The following ATP5MC2 variants were observed in gnomAD, a reference collection of about 807,000 sequenced individuals.
The protein encoded by ATP5MC2 is ATP synthase membrane subunit c locus 2.
Under a neutral mutation model 13.5 loss-of-function variants are expected in ATP5MC2, and 11 were observed. That is an observed-to-expected ratio of 0.81 (90% CI 0.51 to 1.35). The LOEUF (loss-of-function observed/expected upper bound fraction) is 1.35, where lower values mean the gene tolerates loss of function less well. ATP5MC2 is among the 40% of genes most tolerant of loss of function. The pLI, the probability that ATP5MC2 is intolerant of heterozygous loss-of-function variation, is 0.00. For synonymous variants in ATP5MC2, 64 were observed against 69.7 expected, an observed-to-expected ratio of 0.92 and a Z score of 0.41; for missense variants, 132 against 175.0, an observed-to-expected ratio of 0.75 and a Z score of 1.39.
chr12:53,666,883 T>C (rs913986374), intron 4 of ATP5MC2, among the ~76,000 whole-genome samples: 35 of 150,434 alleles, frequency 2.3e-4, no homozygotes, highest in Admixed American at 4.7e-4. Flanking sequence ...GAGGCAGAGA[T>C]TGCAGTGGGC....
chr12:53,676,937 C>CT (rs922761706), upstream of ATP5MC2: 1 of 152,576 alleles, frequency 6.6e-6, no homozygotes, highest in Non-Finnish European at 1.5e-5. Flanking sequence ...CTCATCTTTC[C>CT]TAGGCCTCCT....
At chr12:53,676,219 C>T, upstream of ATP5MC2, 12 of 1,601,090 alleles carry the variant, frequency 7.5e-6, no homozygotes, top group Non-Finnish European at 1.0e-5. Context: ...AGGGCTGTGG[C>T]GGTATCCGGC....
upstream of ATP5MC2, chr12:53,676,108 A>C (rs767364424): frequency 2.5e-6 from 4 of 1,614,158 alleles, no homozygotes; most frequent in Admixed American, 5.0e-5. Flanking sequence ...GAGCGAAAGG[A>C]AGGCTCAGCG....
upstream of ATP5MC2, chr12:53,676,456 T>C (rs977333971): frequency 9.2e-6 from 4 of 432,840 alleles, no homozygotes; most frequent in African/African-American, 8.0e-5. Flanking sequence ...GGGATTGGGG[T>C]TCAGTGCCTA....
At position 53,665,266 on chromosome 12, in the gene ATP5MC2, C is replaced by T. The variant is rs777540521; in HGVS notation, c.*48G>A. ...GGGGAGGTATAGGAAAAGGAACACA[C>T]GGGGCCAACCAGACGCGGGAGAACT... On this transcript the variant is annotated 3_prime_UTR_variant, in exon 5 of 5. Coordinates refer to ENST00000394349, the MANE Select transcript of ATP5MC2 (RefSeq NM_005176.7). 1.8e-5 allele frequency: 27 copies of T among 1,505,792 alleles called. No homozygotes were observed. Among genetic ancestry groups the T allele is most frequent in the South Asian group, 4.7e-5 (4 of 84,892 alleles). The allele number at this position is 1,505,792 out of a possible 1,614,324, so 93.3% of individuals were successfully genotyped here. A position where few individuals can be genotyped will look rare whatever the true frequency, so the allele number is the denominator to read the frequency against.
chr12:53,676,167 G>A, upstream of ATP5MC2: 1 of 1,614,258 alleles, frequency 6.2e-7, no homozygotes, highest in Non-Finnish European at 8.5e-7. Flanking sequence ...TAGAGTGATT[G>A]CAACATACAG....
upstream of ATP5MC2, among the ~76,000 whole-genome samples, chr12:53,678,034 A>C (rs1463784704): frequency 1.3e-5 from 2 of 152,226 alleles, no homozygotes; most frequent in African/African-American, 2.4e-5. Flanking sequence ...GGAGGATCAG[A>C]GAAGGGGCCT....
chr12:53,665,751 A>ATGGAAGAGGCATCCAGAG (rs71068159), intron 4 of ATP5MC2, among the ~76,000 whole-genome samples: 92,023 of 151,954 alleles, frequency 0.61, 29,893 homozygotes, highest in East Asian at 0.95. Flanking sequence ...CCCAAATAGG[A>ATGGAAGAGGCATCCAGAG]TGGAAGGGTC....
At chr12:53,667,997 A>AT (rs59042234) in intron 4 of ATP5MC2, among the ~76,000 whole-genome samples, 6 of 126,836 alleles carry the variant, frequency 4.7e-5, no homozygotes, top group South Asian at 2.5e-4. Context: ...ATATATATAA[A>AT]TTTTTTTTTT....
chr12:53,670,129 C>T (rs1172955218), intron 2 of ATP5MC2, 181 bp from the exon 3 acceptor site: 6 of 652,166 alleles, frequency 9.2e-6, no homozygotes, highest in Non-Finnish European at 1.7e-5. Context: ...ATTAAAGAAC[C>T]ACACCATTTC....
chr12:53,665,172 T>C lies in ATP5MC2; in HGVS notation c.*142A>G, dbSNP rs1944876459. ...ATACACAGGAGACTCAAGAAACATC[T>C]TATTAATACAGTATTTATTTGTCTT... On this transcript the variant is annotated 3_prime_UTR_variant, in exon 5 of 5. Transcript: ENST00000394349. 1.6e-6 allele frequency: 1 copy of C among 625,096 alleles called. No individual in the cohort carries two copies. Among genetic ancestry groups the C allele is most frequent in the Non-Finnish European group, 2.8e-6 (1 of 356,196 alleles). The allele number at this position is 625,096 out of a possible 1,614,324, so 38.7% of individuals were successfully genotyped here.
Position 53,669,313 on chromosome 12 carries a change from G to A in ATP5MC2, c.146C>T (p.Pro49Leu). 6.2e-7 allele frequency: 1 copy of A among 1,613,884 alleles called. No individual in the cohort carries two copies. The highest frequency in any genetic ancestry group is 8.5e-7 in the Non-Finnish European group (1 of 1,179,922). Residue 49 changes from proline (P) to leucine (L), a missense_variant, in exon 4 of 5, where the codon CCC becomes CTC. Pro to Leu is a moderately conservative substitution (Grantham distance 98). Coordinates refer to ENST00000394349, the MANE Select transcript of ATP5MC2 (RefSeq NM_005176.7). ...ESLSSLAVSC[P>L]LTSLVSSRSF... ...GCGGCTAGAGACAAGTGAGGTAAGG[G>A]GACATGAGACTGCCAAGCTGCTGAG... is the stretch of plus-strand genomic sequence containing the variant.
intron 1 of ATP5MC2, among the ~76,000 whole-genome samples, chr12:53,674,732 G>A (rs1320553768): frequency 6.6e-6 from 1 of 152,210 alleles, no homozygotes; most frequent in African/African-American, 2.4e-5. Context: ...ACAGGTGTGA[G>A]CCACCACACC....
intron 2 of ATP5MC2, among the ~76,000 whole-genome samples, chr12:53,672,083 C>CAAAAAAAAAAAAAAAAAAAAAA (rs916010110): frequency 1.6e-3 from 77 of 47,146 alleles, no homozygotes; most frequent in East Asian, 2.7e-3. Flanking sequence ...AACTCTGTCT[C>CAAAAAAAAAAAAAAAAAAAAAA]AAAAAAAAAA....
At chr12:53,672,690 A>C (rs376101291) in intron 1 of ATP5MC2, 45 bp from the exon 2 acceptor site, 27 of 1,529,910 alleles carry the variant, frequency 1.8e-5, no homozygotes, top group East Asian at 1.5e-4. Flanking sequence ...TATTCACTAA[A>C]CTATATCCTT....
chr12:53,669,444 C>T (rs1945029304), intron 3 of ATP5MC2, 103 bp from the exon 4 acceptor site: 1 of 1,446,436 alleles, frequency 6.9e-7, no homozygotes, highest in Admixed American at 2.8e-5. Context: ...CTCCCCCAAA[C>T]AGAAAATTGT....
In ATP5MC2 at chr12:53,676,061, A is replaced by G. The variant is rs750402114; in HGVS notation, c.-40T>C. 61 of 1,613,924 alleles carry G rather than the reference A, an allele frequency of 3.8e-5. No homozygotes were observed. Among genetic ancestry groups the G allele is most frequent in the Non-Finnish European group, 5.1e-5 (60 of 1,180,014 alleles). Reference sequence around the variant, plus strand: ...AGGTCCCAAGGCCTTACCTGCTCCCACTGCAGAGAAGACAGAGAGGGGCGG... The same window carrying G: ...AGGTCCCAAGGCCTTACCTGCTCCCGCTGCAGAGAAGACAGAGAGGGGCGG... On this transcript the variant is annotated 5_prime_UTR_variant, in exon 1 of 5. Transcript: ENST00000394349.
Position 53,669,237 on chromosome 12 carries a change from G to A in ATP5MC2, c.222C>T (p.Phe74=). The change falls in exon 4 of 5, where the codon TTC becomes TTT. Residue 74 remains phenylalanine (F), a synonymous_variant. Transcript: ENST00000394349. Reference sequence around the variant, plus strand: ...CAACTGTGGCAGCCCCAGCTCCAATGAACTTGGCTGCTGTGTCGATGTCCC... The same window carrying A: ...CAACTGTGGCAGCCCCAGCTCCAATAAACTTGGCTGCTGTGTCGATGTCCC... ...ISRDIDTAAK[F]IGAGAATVGV... 6.2e-7 allele frequency: 1 copy of A among 1,614,004 alleles called. No individual in the cohort carries two copies. Among genetic ancestry groups the A allele is most frequent in the Non-Finnish European group, 8.5e-7 (1 of 1,179,942 alleles).
chr12:53,666,837 T>G (rs1593043400), intron 4 of ATP5MC2, among the ~76,000 whole-genome samples: 1 of 151,026 alleles, frequency 6.6e-6, no homozygotes, highest in South Asian at 2.1e-4. Context: ...TCCCAGCTAC[T>G]TGGGAGGCTG....
Sources: allele counts gnomAD v4.1 joint callset (sites outside exome capture counted in the v4.1 genomes callset), GRCh38; gene constraint gnomAD v4.1.1; transcripts MANE v1.5; gene names NCBI Gene and HGNC (gene_info 2026-07-23, HGNC 2026-07-21).